NSMCE2: variants seen among roughly 807,000 people sequenced by gnomAD.
NSMCE2 encodes the protein NSE2 SUMO ligase component of SMC5/6 complex.
In NSMCE2, 24 loss-of-function variants were observed where a neutral mutation model predicts 23.8. That is an observed-to-expected ratio of 1.01 (90% CI 0.73 to 1.42). NSMCE2 has a LOEUF of 1.42. NSMCE2 is among the 40% of genes most tolerant of loss of function. NSMCE2 has a pLI of 0.00. For synonymous variants in NSMCE2, 92 were observed against 94.1 expected, an observed-to-expected ratio of 0.98 and a Z score of 0.13; for missense variants, 284 against 296.5, an observed-to-expected ratio of 0.96 and a Z score of 0.31.
intron 5 of NSMCE2, among the ~76,000 whole-genome samples, chr8:125,335,282 GT>G (rs1830032907): frequency 6.6e-6 from 1 of 152,168 alleles, no homozygotes; most frequent in Non-Finnish European, 1.5e-5. Context: ...CAGCGATTAT[GT>G]GCCAAGCCCC....
At chr8:125,163,132 C>T (rs1821708095) in intron 4 of NSMCE2, among the ~76,000 whole-genome samples, 3 of 152,022 alleles carry the variant, frequency 2.0e-5, no homozygotes, top group South Asian at 2.1e-4. Flanking sequence ...TTTGGGAGGC[C>T]GAGGTGGGAG....
intron 7 of NSMCE2, among the ~76,000 whole-genome samples, chr8:125,360,213 A>G (rs1169997493): frequency 6.6e-6 from 1 of 152,170 alleles, no homozygotes; most frequent in Non-Finnish European, 1.5e-5. Context: ...TCCTAAATGC[A>G]AGGTCCCAGC....
Position 125,229,692 on chromosome 8 carries a change from T to C in NSMCE2, c.418+47436T>C, listed in dbSNP as rs577771544. ...TAGAGTCTGGTTTCCCCAGTTCTAC[T>C]TTGTGTATAAGGATAATTATGGATT... On this transcript the variant is annotated intron_variant, in intron 5 of 7. Coordinates refer to ENST00000287437, the MANE Select transcript of NSMCE2 (RefSeq NM_173685.4). Among the ~76,000 whole-genome samples, 6 of 152,356 alleles carry C rather than the reference T, an allele frequency of 3.9e-5. No individual in the cohort carries two copies. The East Asian group carries it at 7.7e-4, about 20-fold the overall frequency.
chr8:125,329,528 C>G (rs60829601), intron 5 of NSMCE2, among the ~76,000 whole-genome samples: 6 of 152,312 alleles, frequency 3.9e-5, no homozygotes, highest in African/African-American at 1.2e-4. Context: ...TTGGAATCCA[C>G]GTCTGCCTTT....
At chr8:125,253,009 A>G (rs1408089348) in intron 5 of NSMCE2, among the ~76,000 whole-genome samples, 1 of 152,246 alleles carries the variant, frequency 6.6e-6, no homozygotes, top group East Asian at 1.9e-4. Flanking sequence ...GGATTAAATG[A>G]TATAGTACAT....
chr8:125,233,756 T>C (rs1825425828), intron 5 of NSMCE2, among the ~76,000 whole-genome samples: 1 of 152,152 alleles, frequency 6.6e-6, no homozygotes, highest in Non-Finnish European at 1.5e-5. Flanking sequence ...TAATCACAGA[T>C]CTAGGTTGGT....
intron 5 of NSMCE2, among the ~76,000 whole-genome samples, chr8:125,219,337 G>C (rs2130911627): frequency 6.6e-6 from 1 of 152,256 alleles, no homozygotes; most frequent in Middle Eastern, 3.4e-3. Context: ...CTGTGAAGAA[G>C]CAACCATGGA....
intron 3 of NSMCE2, among the ~76,000 whole-genome samples, chr8:125,148,461 T>C (rs1043525678): frequency 6.6e-6 from 1 of 152,328 alleles, no homozygotes; most frequent in African/African-American, 2.4e-5. Context: ...ACTCATTTAA[T>C]CCCAGAGGGA....
At chr8:125,329,497 G>T (rs1199494391) in intron 5 of NSMCE2, among the ~76,000 whole-genome samples, 4 of 152,162 alleles carry the variant, frequency 2.6e-5, no homozygotes, top group African/African-American at 4.8e-5. Context: ...TGAGGGTTAG[G>T]TGTTTATGTT....
At chr8:125,110,657 C>G (rs1274826369) in intron 3 of NSMCE2, among the ~76,000 whole-genome samples, 1 of 152,026 alleles carries the variant, frequency 6.6e-6, no homozygotes, top group African/African-American at 2.4e-5. Flanking sequence ...ATAGTTTCTG[C>G]CCTTCACCAT....
At chr8:125,329,165 G>C (rs1829783104) in intron 5 of NSMCE2, among the ~76,000 whole-genome samples, 1 of 152,204 alleles carries the variant, frequency 6.6e-6, no homozygotes, top group Non-Finnish European at 1.5e-5. Flanking sequence ...CTGAATGACA[G>C]CAAGACCAGC....
intron 5 of NSMCE2, among the ~76,000 whole-genome samples, chr8:125,287,389 C>G (rs2131149610): frequency 6.6e-6 from 1 of 152,240 alleles, no homozygotes; most frequent in South Asian, 2.1e-4. Flanking sequence ...TCTGGAGTTG[C>G]TACAAGCCCA....
chr8:125,342,701 T>C (rs573672556), intron 5 of NSMCE2, among the ~76,000 whole-genome samples: 1 of 152,292 alleles, frequency 6.6e-6, no homozygotes, highest in East Asian at 1.9e-4. Context: ...AGCAGGTTTT[T>C]GTGGGGTATG....
At chr8:125,312,345 G>C (rs1172590228) in intron 5 of NSMCE2, among the ~76,000 whole-genome samples, 1 of 152,088 alleles carries the variant, frequency 6.6e-6, no homozygotes, top group East Asian at 1.9e-4. Context: ...GTGTATTGTG[G>C]CCGGGCATGG....
intron 5 of NSMCE2, among the ~76,000 whole-genome samples, chr8:125,326,908 A>ATC (rs1829685711): frequency 6.7e-6 from 1 of 150,088 alleles, no homozygotes; most frequent in Non-Finnish European, 1.5e-5. Context: ...GTGAGCTGAG[A>ATC]TCTCGCCACT....
At chr8:125,262,480 C>T (rs979689960) in intron 5 of NSMCE2, among the ~76,000 whole-genome samples, 4 of 152,124 alleles carry the variant, frequency 2.6e-5, no homozygotes, top group African/African-American at 9.7e-5. Flanking sequence ...GTCAAACTTT[C>T]CTTTAGTTTG....
At chr8:125,168,127 T>C (rs187879946) in intron 4 of NSMCE2, among the ~76,000 whole-genome samples, 1 of 152,350 alleles carries the variant, frequency 6.6e-6, no homozygotes, top group Non-Finnish European at 1.5e-5. Context: ...TTTTATTTTT[T>C]TTTGTGGACT....
At chr8:125,257,761 C>T (rs1255605291) in intron 5 of NSMCE2, among the ~76,000 whole-genome samples, 1 of 152,078 alleles carries the variant, frequency 6.6e-6, no homozygotes, top group African/African-American at 2.4e-5. Context: ...GTCTCGATCT[C>T]CTGACTTCAT....
At chr8:125,131,671 A>G (rs1418325765) in intron 3 of NSMCE2, among the ~76,000 whole-genome samples, 1 of 152,172 alleles carries the variant, frequency 6.6e-6, no homozygotes, top group Admixed American at 6.5e-5. Context: ...TGAAACCCCT[A>G]CAGAAATGTT....
Sources: allele counts gnomAD v4.1 joint callset (sites outside exome capture counted in the v4.1 genomes callset), GRCh38; gene constraint gnomAD v4.1.1; transcripts MANE v1.5; gene names NCBI Gene and HGNC (gene_info 2026-07-23, HGNC 2026-07-21).